The following AIG1 variants were observed in gnomAD, a reference collection of about 807,000 sequenced individuals.
The protein encoded by AIG1 is androgen induced 1, also known as androgen-induced gene 1 protein.
AIG1 carries 23 observed loss-of-function variants against 31.4 expected under a neutral mutation model. The ratio of observed to expected loss-of-function variants is 0.73; its 90% CI spans 0.53 to 1.04. AIG1 has a LOEUF of 1.04. Among genes scored for constraint, AIG1 ranks in the 50% least tolerant of loss-of-function variants. The pLI, the probability that AIG1 is intolerant of heterozygous loss-of-function variation, is 0.00. For missense variants in AIG1, 274 were observed against 295.0 expected, an observed-to-expected ratio of 0.93 and a Z score of 0.52; for synonymous variants, 100 against 110.5, an observed-to-expected ratio of 0.90 and a Z score of 0.60.
intron 1 of AIG1, among the ~76,000 whole-genome samples, chr6:143,081,828 A>G (rs138255904): frequency 0.019 from 2,962 of 152,220 alleles, 35 homozygotes; most frequent in Middle Eastern, 0.048. Flanking sequence ...TCTGCTGAGT[A>G]CTGGAGCTTG....
chr6:143,178,271 A>G (rs1788374665), intron 3 of AIG1, among the ~76,000 whole-genome samples: 1 of 151,934 alleles, frequency 6.6e-6, no homozygotes, highest in Non-Finnish European at 1.5e-5. Context: ...TGTCCCAGGG[A>G]CCCCAAGGAT....
intron 1 of AIG1, among the ~76,000 whole-genome samples, chr6:143,127,281 C>A (rs535277703): frequency 1.2e-4 from 19 of 152,306 alleles, no homozygotes; most frequent in Non-Finnish European, 2.2e-4. Context: ...GTTCTCTCCA[C>A]AGTTTTCCTT....
chr6:143,312,966 A>G (rs569401164), intron 4 of AIG1, among the ~76,000 whole-genome samples: 84 of 152,296 alleles, frequency 5.5e-4, no homozygotes, highest in South Asian at 2.7e-3. Flanking sequence ...GCTCAACATC[A>G]CTGATCATTA....
intron 1 of AIG1, among the ~76,000 whole-genome samples, chr6:143,069,697 C>A (rs442712): frequency 6.6e-6 from 1 of 152,202 alleles, no homozygotes; most frequent in East Asian, 1.9e-4. Context: ...TTTATGTTTG[C>A]CAAATGAAAG....
intron 3 of AIG1, among the ~76,000 whole-genome samples, chr6:143,214,577 T>G (rs1791854137): frequency 6.6e-6 from 1 of 152,224 alleles, no homozygotes; most frequent in Non-Finnish European, 1.5e-5. Flanking sequence ...TCTTCCTGCC[T>G]TCCCATGCCA....
rs146281719 is a variant in AIG1, at chr6:143,116,555, T to C, written c.142-20280T>C. ...ATTTTTAAAAGGCAGTGAAGGAAGC[T>C]ATGGAGAATTGGGGAGGAGAGGTGG... On this transcript the variant is annotated intron_variant, in intron 1 of 5. Transcript: ENST00000357847. 2.9e-3 allele frequency among the ~76,000 whole-genome samples: 442 copies of C among 151,252 alleles called. 11 individuals are homozygous for C. In the East Asian group the frequency reaches 0.054, roughly 18 times the overall value.
At chr6:143,161,689 A>C (rs1383235534) in intron 2 of AIG1, among the ~76,000 whole-genome samples, 1 of 152,022 alleles carries the variant, frequency 6.6e-6, no homozygotes, top group Non-Finnish European at 1.5e-5. Context: ...AAACTGTATG[A>C]TTGTCTCAAG....
In AIG1 at chr6:143,313,033, T is replaced by G. The variant is rs561156131; in HGVS notation, c.516-20249T>G. ...CCATCTCACCCCAGTAAAAATGGCTTTTATCCAAAGACAGCCAATAACAAA... is the reference window on the plus strand; with the variant it reads ...CCATCTCACCCCAGTAAAAATGGCTGTTATCCAAAGACAGCCAATAACAAA... On this transcript the variant is annotated intron_variant, in intron 4 of 5. Coordinates refer to ENST00000357847, the MANE Select transcript of AIG1 (RefSeq NM_016108.4). Among the ~76,000 whole-genome samples, 10 of 152,112 alleles carry G rather than the reference T, an allele frequency of 6.6e-5. No individual in the cohort carries two copies. In the East Asian group the frequency reaches 1.9e-3, roughly 29 times the overall value.
chr6:143,259,235 GCCTTGGGTATTATGTTAT>G (rs1795571778), intron 3 of AIG1, among the ~76,000 whole-genome samples: 1 of 152,140 alleles, frequency 6.6e-6, no homozygotes, highest in Non-Finnish European at 1.5e-5. Flanking sequence ...AAAATACTCA[GCCTTGGGTATTATGTTAT>G]AGCAACACAA....
chr6:143,069,582 T>C (rs1583057266), intron 1 of AIG1, among the ~76,000 whole-genome samples: 1 of 152,198 alleles, frequency 6.6e-6, no homozygotes. Flanking sequence ...CTGAAGTTGT[T>C]AATTATCTTT....
chr6:143,123,340 A>G (rs1206185115), intron 1 of AIG1, among the ~76,000 whole-genome samples: 1 of 152,240 alleles, frequency 6.6e-6, no homozygotes, highest in Non-Finnish European at 1.5e-5. Context: ...TGATTTCATT[A>G]CACTTGAATC....
chr6:143,230,275 A>G (rs545225856), intron 3 of AIG1, among the ~76,000 whole-genome samples: 2 of 152,066 alleles, frequency 1.3e-5, no homozygotes, highest in African/African-American at 4.8e-5. Flanking sequence ...TTATTTTACT[A>G]TGTGTTAGTA....
intron 2 of AIG1, among the ~76,000 whole-genome samples, chr6:143,140,291 C>T (rs748743064): frequency 8.5e-5 from 13 of 152,258 alleles, no homozygotes; most frequent in African/African-American, 2.4e-4. Context: ...ATGAGATTTG[C>T]GTGGGGACAC....
In AIG1 at chr6:143,184,662, G is replaced by A. The variant is rs145353991; in HGVS notation, c.399+19479G>A. Among the ~76,000 whole-genome samples, 24 of 152,252 alleles carry A rather than the reference G, an allele frequency of 1.6e-4. No individual in the cohort carries two copies. In the East Asian group the frequency reaches 1.7e-3, roughly 11 times the overall value. Reference sequence around the variant, plus strand: ...GTCTGCTTTAGTTTAAGATTTGGTCGTCTCTCAGCTGAACTGAGGCAGCAG... The same window carrying A: ...GTCTGCTTTAGTTTAAGATTTGGTCATCTCTCAGCTGAACTGAGGCAGCAG... On this transcript the variant is annotated intron_variant, in intron 3 of 5. Transcript: ENST00000357847.
chr6:143,231,246 A>G (rs1171763553), intron 3 of AIG1, among the ~76,000 whole-genome samples: 1 of 152,234 alleles, frequency 6.6e-6, no homozygotes, highest in Non-Finnish European at 1.5e-5. Context: ...CAGGTTTGAA[A>G]TGGCATTTAT....
At position 143,227,629 on chromosome 6, in the gene AIG1, G is replaced by A. The variant is rs1018370173; in HGVS notation, c.400-56481G>A. Among the ~76,000 whole-genome samples the A allele has an allele frequency of 2.0e-5, 3 of 152,178 alleles. No homozygotes were observed. The South Asian group carries it at 6.2e-4, about 32-fold the overall frequency. On this transcript the variant is annotated intron_variant, in intron 3 of 5. Transcript: ENST00000357847. ...GCCAAAAGAGCTTGATCTCTTTGGA[G>A]TAATTTTTTTTTTCAACATGGAAAG...
At chr6:143,085,899 T>C (rs1487645113) in intron 1 of AIG1, among the ~76,000 whole-genome samples, 1 of 152,224 alleles carries the variant, frequency 6.6e-6, no homozygotes. Context: ...TTAAATCCCC[T>C]GTTAGGAAAT....
chr6:143,168,347 G>A (rs993081309), intron 3 of AIG1, among the ~76,000 whole-genome samples: 9 of 151,516 alleles, frequency 5.9e-5, no homozygotes, highest in African/African-American at 2.2e-4. Context: ...ATGTTGGTGT[G>A]CTGCACCCAT....
At chr6:143,230,510 C>A (rs1294234790) in intron 3 of AIG1, among the ~76,000 whole-genome samples, 6 of 149,662 alleles carry the variant, frequency 4.0e-5, no homozygotes, top group Non-Finnish European at 7.4e-5. Context: ...CTTTTTTACA[C>A]TCTTTTTTCT....
Sources: allele counts gnomAD v4.1 joint callset (sites outside exome capture counted in the v4.1 genomes callset), GRCh38; gene constraint gnomAD v4.1.1; transcripts MANE v1.5; gene names NCBI Gene and HGNC (gene_info 2026-07-23, HGNC 2026-07-21).